LAPTM4A: variants seen among roughly 807,000 people sequenced by gnomAD.
LAPTM4A encodes the protein lysosomal-associated transmembrane protein 4A.
Under a neutral mutation model 29.9 loss-of-function variants are expected in LAPTM4A, and 19 were observed. The observed-to-expected ratio is 0.64, with a 90% CI of 0.44 to 0.93. LAPTM4A has a LOEUF of 0.93. LAPTM4A is among the 40% of genes least tolerant of loss of function. The probability of loss-of-function intolerance (pLI) is 0.00; values close to 1 mark genes in which losing one functional copy is unlikely to be tolerated. For missense variants in LAPTM4A, 293 were observed against 288.5 expected (o/e 1.02, Z -0.11); for synonymous variants, 105 against 102.1 (o/e 1.03, Z -0.17).
chr2:20,047,696 C>CA (rs61601787), intron 1 of LAPTM4A, among the ~76,000 whole-genome samples: 1,896 of 76,426 alleles, frequency 0.025, 77 homozygotes, highest in African/African-American at 0.075. Context: ...GACTCCGTCT[C>CA]AAAAAAAAAA....
chr2:20,043,807 T>C (rs1673857782), intron 1 of LAPTM4A, among the ~76,000 whole-genome samples: 2 of 152,248 alleles, frequency 1.3e-5, no homozygotes, highest in Non-Finnish European at 2.9e-5. Context: ...CCAAAGCCTA[T>C]GTGTAGATGG....
chr2:20,039,101 G>C (rs924043723), intron 2 of LAPTM4A, among the ~76,000 whole-genome samples: 1 of 152,056 alleles, frequency 6.6e-6, no homozygotes, highest in East Asian at 1.9e-4. Flanking sequence ...ATTTTTAATA[G>C]AGACAGGATT....
intron 1 of LAPTM4A, among the ~76,000 whole-genome samples, chr2:20,049,324 A>G (rs1674003037): frequency 6.6e-6 from 1 of 152,240 alleles, no homozygotes; most frequent in African/African-American, 2.4e-5. Context: ...TAAGAAGTTT[A>G]CAATAAAATG....
Position 20,035,077 on chromosome 2 carries a change from C to A in LAPTM4A, c.433-15G>T. The A allele has an allele frequency of 3.8e-6, 6 of 1,572,366 alleles. No individual in the cohort carries two copies. Among genetic ancestry groups the A allele is most frequent in the Middle Eastern group, 1.7e-4 (1 of 6,000 alleles). On this transcript the variant is annotated splice_polypyrimidine_tract_variant and intron_variant, in intron 4 of 6. Transcript: ENST00000175091. ...GGAAAATCAGGCTATTAAAGAAACACACACACATTTACAAGTCAGCCATCG... is the reference window on the plus strand; with the variant it reads ...GGAAAATCAGGCTATTAAAGAAACAAACACACATTTACAAGTCAGCCATCG...
chr2:20,037,318 G>A lies in LAPTM4A; in HGVS notation c.430C>T (p.Leu144=), dbSNP rs1572396739. 6.2e-7 allele frequency: 1 copy of A among 1,608,328 alleles called. No individual in the cohort carries two copies. Among genetic ancestry groups the A allele is most frequent in the South Asian group, 1.1e-5 (1 of 90,402 alleles). ...GTTTAATGAGCATACACACTTACTA[G>A]TTGATCCAGATATTCTTTGATTCTT... ...LPRIKEYLDQ[L]PDFPYKDDLL... The change falls in exon 4 of 7, where the codon CTA becomes TTA. Residue 144 remains leucine, a splice_region_variant and synonymous_variant. Transcript: ENST00000175091.
intron 4 of LAPTM4A, 138 bp downstream of exon 4, chr2:20,037,178 G>C: frequency 1.5e-6 from 1 of 661,076 alleles, no homozygotes; most frequent in African/African-American, 1.8e-5. Flanking sequence ...AGCTAAGAGA[G>C]CAGAAATAAT....
rs749753864 is a variant in LAPTM4A at position 20,037,409 on chromosome 2, G to C, written c.339C>G (p.Phe113Leu). 3.7e-6 allele frequency: 6 copies of C among 1,612,498 alleles called. No individual in the cohort carries two copies. The highest frequency in any genetic ancestry group is 3.4e-6 in the Non-Finnish European group (4 of 1,179,442). The change falls in exon 4 of 7, where the codon TTC becomes TTG. Residue 113 changes from phenylalanine (F) to leucine (L), a missense_variant. Physicochemically the swap from Phe to Leu is conservative, Grantham distance 22. Transcript: ENST00000175091. Reference protein sequence around the residue: ...SYQVGWLIPFFCYRLFDFVLS... With the variant: ...SYQVGWLIPFLCYRLFDFVLS... ...GGACGAAGTCAAAAAGTCGGTAACA[G>C]AAGAATGGAATCAGCCAACCCACTT...
chr2:20,033,283 AAG>A lies in LAPTM4A; in HGVS notation c.628-6_628-5del. On this transcript the variant is annotated splice_polypyrimidine_tract_variant and splice_region_variant and intron_variant, in intron 6 of 6. Coordinates refer to ENST00000175091, the MANE Select transcript of LAPTM4A (RefSeq NM_014713.5). Reference sequence around the variant, plus strand: ...TTTCATAGGTTGGCAAAACGTACTAAAGAGAGAAAAAAAATTGTATCAGATTT... The same window carrying A: ...TTTCATAGGTTGGCAAAACGTACTAAAGAGAAAAAAAATTGTATCAGATTT... 1.2e-6 allele frequency: 2 copies of A among 1,610,266 alleles called. No individual in the cohort carries two copies. Among genetic ancestry groups the A allele is most frequent in the South Asian group, 2.2e-5 (2 of 90,998 alleles).
At chr2:20,049,091 T>G (rs1330658638) in intron 1 of LAPTM4A, among the ~76,000 whole-genome samples, 1 of 152,206 alleles carries the variant, frequency 6.6e-6, no homozygotes, top group Non-Finnish European at 1.5e-5. Context: ...TACCATATGT[T>G]TTTCATATCT....
intron 2 of LAPTM4A, among the ~76,000 whole-genome samples, chr2:20,040,119 T>C (rs1284929596): frequency 6.6e-6 from 1 of 152,218 alleles, no homozygotes; most frequent in Non-Finnish European, 1.5e-5. Context: ...CCAAGGGTCC[T>C]ACCTCTTAAT....
chr2:20,035,133 T>C (rs757476694), intron 4 of LAPTM4A, 71 bp from the exon 5 acceptor site: 1 of 1,010,044 alleles, frequency 9.9e-7, no homozygotes, highest in African/African-American at 1.6e-5. Context: ...CTGAAGAGCA[T>C]CTGAAGAATA....
Position 20,051,610 on chromosome 2 carries a change from A to C in LAPTM4A, c.-90T>G, listed in dbSNP as rs547935294. 3.6e-6 allele frequency: 3 copies of C among 831,250 alleles called. No individual in the cohort carries two copies. The highest frequency in any genetic ancestry group is 2.5e-5 in the Admixed American group (1 of 40,806). 51.5% of individuals were successfully genotyped at this position (831,250 alleles called of 1,614,324 possible). On this transcript the variant is annotated 5_prime_UTR_variant, in exon 1 of 7. Transcript: ENST00000175091. ...CAAACGGCTGTTTCACGGCCTCCAA[A>C]ACCCAACGACGCGTCTTCAAACCCG... is the stretch of plus-strand genomic sequence containing the variant.
At chr2:20,043,145 T>A (rs1353310037) in intron 1 of LAPTM4A, among the ~76,000 whole-genome samples, 2 of 148,374 alleles carry the variant, frequency 1.3e-5, no homozygotes, top group Non-Finnish European at 3.0e-5. Context: ...CAATCTCAGC[T>A]CACTGCAGCT....
chr2:20,051,206 GC>G (rs1338214552), intron 1 of LAPTM4A, among the ~76,000 whole-genome samples: 1 of 151,544 alleles, frequency 6.6e-6, no homozygotes, highest in Non-Finnish European at 1.5e-5. Context: ...GCTTACCACC[GC>G]CCCCCGCTCC....
At position 20,037,381 on chromosome 2, in the gene LAPTM4A, T is replaced by C. The variant is rs764078305; in HGVS notation, c.367A>G (p.Ser123Gly). 7 of 1,612,924 alleles carry C rather than the reference T, an allele frequency of 4.3e-6. No individual in the cohort carries two copies. Among genetic ancestry groups the C allele is most frequent in the Non-Finnish European group, 5.9e-6 (7 of 1,179,468 alleles). ...AGAGAACTAATAGCAACCAGGCAAC[T>C]GAGGACGAAGTCAAAAAGTCGGTAA... ...FCYRLFDFVL[S>G]CLVAISSLTY... The change falls in exon 4 of 7, where the codon AGT (serine) becomes GGT (glycine). Residue 123 changes from serine (S) to glycine (G), a missense_variant. Transcript: ENST00000175091.
At chr2:20,036,526 C>T (rs868671628) in intron 4 of LAPTM4A, among the ~76,000 whole-genome samples, 4 of 152,172 alleles carry the variant, frequency 2.6e-5, no homozygotes, top group African/African-American at 7.2e-5. Context: ...GAGTGCCTTG[C>T]ACATAAGAGC....
chr2:20,034,602 G>A (rs901069978), intron 5 of LAPTM4A, among the ~76,000 whole-genome samples, 187 bp from the exon 6 acceptor site: 3 of 152,118 alleles, frequency 2.0e-5, no homozygotes, highest in Non-Finnish European at 4.4e-5. Context: ...GAGTTTCATC[G>A]CCAACATTTC....
At chr2:20,034,143 G>A (rs926252319) in intron 6 of LAPTM4A, among the ~76,000 whole-genome samples, 174 bp downstream of exon 6, 1 of 152,174 alleles carries the variant, frequency 6.6e-6, no homozygotes, top group Non-Finnish European at 1.5e-5. Context: ...AGGTACTCAG[G>A]ATTCCAAGTG....
chr2:20,035,912 T>G (rs1265722140), intron 4 of LAPTM4A, among the ~76,000 whole-genome samples: 1 of 150,908 alleles, frequency 6.6e-6, no homozygotes, highest in Non-Finnish European at 1.5e-5. Flanking sequence ...AAAAGCAACA[T>G]AAACAGAAAT....
Sources: allele counts gnomAD v4.1 joint callset (sites outside exome capture counted in the v4.1 genomes callset), GRCh38; gene constraint gnomAD v4.1.1; transcripts MANE v1.5; gene names NCBI Gene and HGNC (gene_info 2026-07-23, HGNC 2026-07-21).